Variants in ARHGAP42 observed in about 807,000 individuals in gnomAD.
ARHGAP42 encodes Rho GTPase activating protein 42, also known as rho GTPase-activating protein 42.
Under a neutral mutation model 125.0 loss-of-function variants are expected in ARHGAP42, and 63 were observed. That is an observed-to-expected ratio of 0.50 (90% CI 0.41 to 0.62). ARHGAP42 has a LOEUF of 0.62. Ranked by LOEUF, ARHGAP42 falls within the 20% of genes least tolerant of loss-of-function variation. The pLI, the probability that ARHGAP42 is intolerant of heterozygous loss-of-function variation, is 0.00. For synonymous variants in ARHGAP42, 339 were observed against 351.0 expected (o/e 0.97, Z 0.38); for missense variants, 766 against 1,024.2 (o/e 0.75, Z 3.44).
intron 5 of ARHGAP42, among the ~76,000 whole-genome samples, chr11:100,915,096 A>G (rs1867028551): frequency 6.6e-6 from 1 of 152,164 alleles, no homozygotes; most frequent in South Asian, 2.1e-4. Flanking sequence ...ATATATAATT[A>G]TGTGCTTATG....
rs149959826 is a variant in ARHGAP42, at chr11:100,992,433, A to T, written c.*3632A>T. 648 of 1,614,132 alleles carry T rather than the reference A, an allele frequency of 4.0e-4. No homozygotes were observed. The highest frequency in any genetic ancestry group is 5.1e-4 in the Non-Finnish European group (603 of 1,179,972). On this transcript the variant is annotated 3_prime_UTR_variant, in exon 24 of 24. Coordinates refer to ENST00000298815, the MANE Select transcript of ARHGAP42 (RefSeq NM_152432.4). ...TTGACTAAAGGTTTCCCCTTAGGGT[A>T]CACATTGCTATTTAACTTTGCCTCC...
At chr11:100,701,158 T>C (rs1332572741) in intron 1 of ARHGAP42, among the ~76,000 whole-genome samples, 1 of 152,120 alleles carries the variant, frequency 6.6e-6, no homozygotes, top group African/African-American at 2.4e-5. Flanking sequence ...TTTTTTTTTT[T>C]TTCTGAGCAA....
intron 20 of ARHGAP42, 27 bp from the exon 21 acceptor site, chr11:100,976,788 G>T (rs181583388): frequency 3.2e-6 from 5 of 1,548,368 alleles, no homozygotes; most frequent in Non-Finnish European, 3.5e-6. Flanking sequence ...ATAGCACCTT[G>T]CCTATTTTCT....
At chr11:100,797,022 C>A (rs1209513896) in intron 3 of ARHGAP42, among the ~76,000 whole-genome samples, 1 of 152,174 alleles carries the variant, frequency 6.6e-6, no homozygotes, top group African/African-American at 2.4e-5. Context: ...CTGCCTTGGC[C>A]TCCCAAAATG....
intron 8 of ARHGAP42, among the ~76,000 whole-genome samples, chr11:100,937,420 AT>A (rs570886592): frequency 7.6e-4 from 114 of 149,246 alleles, no homozygotes; most frequent in Non-Finnish European, 1.3e-3. Flanking sequence ...GGAAATTTTT[AT>A]TTTTTTTTTA....
intron 1 of ARHGAP42, among the ~76,000 whole-genome samples, chr11:100,728,878 T>G (rs1861909728): frequency 6.6e-6 from 1 of 151,822 alleles, no homozygotes; most frequent in Non-Finnish European, 1.5e-5. Flanking sequence ...AAGCGGTTCT[T>G]CTGTCTCAGC....
chr11:100,774,871 G>GT (rs1395910166), intron 2 of ARHGAP42, among the ~76,000 whole-genome samples: 1 of 152,170 alleles, frequency 6.6e-6, no homozygotes, highest in Non-Finnish European at 1.5e-5. Flanking sequence ...TGCTTGCTGG[G>GT]TTTTTTGTTT....
At chr11:100,940,105 T>C (rs1867837368) in intron 8 of ARHGAP42, among the ~76,000 whole-genome samples, 1 of 152,140 alleles carries the variant, frequency 6.6e-6, no homozygotes, top group African/African-American at 2.4e-5. Context: ...TTGCAGTTAA[T>C]TGTAATAATC....
At chr11:100,786,726 G>C (rs1341180412) in intron 2 of ARHGAP42, among the ~76,000 whole-genome samples, 1 of 152,096 alleles carries the variant, frequency 6.6e-6, no homozygotes, top group East Asian at 1.9e-4. Context: ...TCATAATTAT[G>C]ACTAATTTTC....
intron 4 of ARHGAP42, among the ~76,000 whole-genome samples, chr11:100,886,787 T>C (rs978437827): frequency 6.6e-6 from 1 of 152,226 alleles, no homozygotes; most frequent in African/African-American, 2.4e-5. Flanking sequence ...CCAATAGCCA[T>C]TTAACTTCTT....
chr11:100,962,930 G>A (rs1184996784), intron 16 of ARHGAP42, among the ~76,000 whole-genome samples: 1 of 152,108 alleles, frequency 6.6e-6, no homozygotes, highest in Non-Finnish European at 1.5e-5. Flanking sequence ...TTTATAATGT[G>A]TTTTAGAAGC....
chr11:100,951,925 C>T (rs1857664223), intron 12 of ARHGAP42, among the ~76,000 whole-genome samples: 1 of 152,134 alleles, frequency 6.6e-6, no homozygotes, highest in Non-Finnish European at 1.5e-5. Context: ...GTAGTCAATA[C>T]AGGCCTTTCC....
Position 100,992,867 on chromosome 11 carries a change from C to A in ARHGAP42, c.*4066C>A. 1.4e-6 allele frequency: 1 copy of A among 727,992 alleles called. No individual in the cohort carries two copies. The allele number at this position is 727,992 out of a possible 1,614,324, so 45.1% of individuals were successfully genotyped here. A position where few individuals can be genotyped will look rare whatever the true frequency, so the allele number is the denominator to read the frequency against. On this transcript the variant is annotated 3_prime_UTR_variant, in exon 24 of 24. Coordinates refer to ENST00000298815, the MANE Select transcript of ARHGAP42 (RefSeq NM_152432.4). Reference sequence around the variant, plus strand: ...TCCTAGACCAATGATTACAAGGTGTCTGTGGTTTAGGGGGCCCAGCCCATC... The same window carrying A: ...TCCTAGACCAATGATTACAAGGTGTATGTGGTTTAGGGGGCCCAGCCCATC...
chr11:100,962,481 CA>C lies in ARHGAP42; in HGVS notation c.1444+15del. 6.5e-7 allele frequency: 1 copy of C among 1,533,676 alleles called. No homozygotes were observed. The highest frequency in any genetic ancestry group is 1.2e-5 in the South Asian group (1 of 83,586). On this transcript the variant is annotated intron_variant, in intron 16 of 23. Coordinates refer to ENST00000298815, the MANE Select transcript of ARHGAP42 (RefSeq NM_152432.4). Reference sequence around the variant, plus strand: ...TCATTGCTGTTAGTAAGTATACTTGCATCATATACACATTATAATTGATGTA... The same window carrying C: ...TCATTGCTGTTAGTAAGTATACTTGCTCATATACACATTATAATTGATGTA...
intron 1 of ARHGAP42, among the ~76,000 whole-genome samples, chr11:100,692,518 C>T (rs978043922): frequency 6.6e-6 from 1 of 152,146 alleles, no homozygotes; most frequent in Non-Finnish European, 1.5e-5. Flanking sequence ...CCAGTTGCAA[C>T]CTGCAGTTCT....
intron 1 of ARHGAP42, among the ~76,000 whole-genome samples, chr11:100,716,594 C>T (rs533157394): frequency 2.0e-5 from 3 of 151,970 alleles, no homozygotes; most frequent in East Asian, 1.9e-4. Context: ...GGTTTTATAT[C>T]GTATAGGGTA....
chr11:100,932,279 A>G (rs2186784), intron 6 of ARHGAP42, among the ~76,000 whole-genome samples: 7,020 of 152,266 alleles, frequency 0.046, 316 homozygotes, highest in East Asian at 0.25. Flanking sequence ...ATTTAAAATA[A>G]TAAGTTACAG....
intron 1 of ARHGAP42, among the ~76,000 whole-genome samples, chr11:100,725,016 T>C (rs915763015): frequency 4.6e-5 from 7 of 152,134 alleles, no homozygotes; most frequent in Admixed American, 1.3e-4. Context: ...TTATAAGTTT[T>C]ATTTTTATTT....
intron 4 of ARHGAP42, among the ~76,000 whole-genome samples, chr11:100,901,697 C>T (rs1272589877): frequency 4.6e-5 from 7 of 152,204 alleles, no homozygotes; most frequent in South Asian, 2.1e-4. Context: ...AGCAAGGCTC[C>T]GTGGGCATGG....
Sources: allele counts gnomAD v4.1 joint callset (sites outside exome capture counted in the v4.1 genomes callset), GRCh38; gene constraint gnomAD v4.1.1; transcripts MANE v1.5; gene names NCBI Gene and HGNC (gene_info 2026-07-23, HGNC 2026-07-21).